Variants in UBE3C observed in about 807,000 individuals in gnomAD.
UBE3C encodes ubiquitin-protein ligase E3C.
A neutral mutation model predicts 129.4 loss-of-function variants in UBE3C; 42 were observed. The observed-to-expected ratio is 0.32, with a 90% confidence interval of 0.25 to 0.42. UBE3C has a LOEUF of 0.42. UBE3C is among the 10% of genes least tolerant of loss of function. The pLI is 1.00. For missense variants in UBE3C, 1,049 were observed against 1,319.1 expected, an observed-to-expected ratio of 0.80 and a Z score of 3.17; for synonymous variants, 510 against 492.4, an observed-to-expected ratio of 1.04 and a Z score of -0.47.
chr7:157,220,600 A>T, intron 14 of UBE3C, 89 bp from the exon 15 acceptor site: 1 of 1,481,802 alleles, frequency 6.7e-7, no homozygotes, highest in South Asian at 1.3e-5. Flanking sequence ...CGGTAGAGAA[A>T]TGTCCAGCAC....
intron 1 of UBE3C, chr7:157,139,946 C>T: frequency 1.4e-5 from 14 of 980,222 alleles, no homozygotes; most frequent in Non-Finnish European, 1.7e-5. Context: ...AATTATTTGC[C>T]ACCAGCCTCC....
rs2116929846 is a variant in UBE3C at position 157,183,952 on chromosome 7, C to G, written c.1066C>G (p.Pro356Ala). The change falls in exon 9 of 23, where the codon CCT (proline) becomes GCT (alanine). Residue 356 changes from proline (P) to alanine (A), a missense_variant. Coordinates refer to ENST00000348165, the MANE Select transcript of UBE3C (RefSeq NM_014671.3). ...CTTCCTCTCTCAGTTACCAGTCTCT[C>G]CTGCCAGCGCGAGCTGTCACGACTC... is the stretch of plus-strand genomic sequence containing the variant. ...QTFLSQLPVS[P>A]ASASCHDSAS... The G allele has an allele frequency of 6.2e-7, 1 of 1,614,200 alleles. No homozygotes were observed. The highest frequency in any genetic ancestry group is 2.2e-5 in the East Asian group (1 of 44,884).
At chr7:157,156,388 C>A (rs1021863337) in intron 1 of UBE3C, among the ~76,000 whole-genome samples, 2 of 148,922 alleles carry the variant, frequency 1.3e-5, no homozygotes, top group Non-Finnish European at 3.0e-5. Flanking sequence ...CTCACTGCAG[C>A]CTCCACCTCC....
chr7:157,243,585 G>C (rs1277509625), intron 18 of UBE3C, among the ~76,000 whole-genome samples: 1 of 152,164 alleles, frequency 6.6e-6, no homozygotes. Flanking sequence ...CAGGGAGCTT[G>C]GTGTCCTCCT....
chr7:157,156,779 T>A (rs1807921511), intron 1 of UBE3C, among the ~76,000 whole-genome samples: 1 of 151,950 alleles, frequency 6.6e-6, no homozygotes. Context: ...CCTGTCCCCC[T>A]TAATAATACT....
intron 1 of UBE3C, among the ~76,000 whole-genome samples, chr7:157,143,954 G>A (rs1486126740): frequency 2.0e-5 from 3 of 152,110 alleles, no homozygotes; most frequent in Non-Finnish European, 4.4e-5. Context: ...GGAGGAGAGT[G>A]GTGTCCAGGG....
chr7:157,164,727 A>G (rs189098676), intron 2 of UBE3C, among the ~76,000 whole-genome samples: 3 of 152,266 alleles, frequency 2.0e-5, no homozygotes, highest in East Asian at 1.9e-4. Flanking sequence ...AGAACTTACT[A>G]TGTATGTACT....
intron 10 of UBE3C, among the ~76,000 whole-genome samples, chr7:157,198,707 G>A (rs1348580452): frequency 6.6e-6 from 1 of 152,056 alleles, no homozygotes; most frequent in African/African-American, 2.4e-5. Flanking sequence ...GCAAATTTTT[G>A]TATTTTTAGT....
At chr7:157,220,282 A>G (rs908888341) in intron 14 of UBE3C, among the ~76,000 whole-genome samples, 4 of 152,168 alleles carry the variant, frequency 2.6e-5, no homozygotes, top group Non-Finnish European at 4.4e-5. Flanking sequence ...AACTTGAGAA[A>G]ATATACTGTG....
At chr7:157,245,556 G>A (rs1796450405) in intron 18 of UBE3C, among the ~76,000 whole-genome samples, 1 of 152,188 alleles carries the variant, frequency 6.6e-6, no homozygotes, top group African/African-American at 2.4e-5. Context: ...ATGACTATGT[G>A]CCTGTTGCCA....
chr7:157,179,814 A>T (rs1457394304), intron 6 of UBE3C, among the ~76,000 whole-genome samples: 2 of 151,946 alleles, frequency 1.3e-5, no homozygotes, highest in Non-Finnish European at 2.9e-5. Flanking sequence ...TTAAACGCAT[A>T]CTCATTTCAG....
Position 157,215,480 on chromosome 7 carries a change from A to G in UBE3C, c.1810-1387A>G, listed in dbSNP as rs182511042. 4.0e-5 allele frequency among the ~76,000 whole-genome samples: 6 copies of G among 148,158 alleles called. No homozygotes were observed. In the East Asian group the frequency reaches 1.2e-3, roughly 29 times the overall value. On this transcript the variant is annotated intron_variant, in intron 13 of 22. Transcript: ENST00000348165. ...TAGATATATTATAAATTTATATATT[A>G]TATATACTAGATACATAGTATATAT...
At chr7:157,208,802 G>A (rs1809510734) in intron 13 of UBE3C, among the ~76,000 whole-genome samples, 1 of 152,194 alleles carries the variant, frequency 6.6e-6, no homozygotes. Flanking sequence ...TGGAAAAAAA[G>A]AAAAGGAAAA....
chr7:157,246,562 C>G (rs1272811514), intron 18 of UBE3C, among the ~76,000 whole-genome samples: 2 of 152,164 alleles, frequency 1.3e-5, no homozygotes, highest in South Asian at 4.1e-4. Flanking sequence ...CACCATAGCA[C>G]TTGAATCTTA....
intron 9 of UBE3C, among the ~76,000 whole-genome samples, chr7:157,186,429 A>T (rs1260095883): frequency 6.6e-6 from 1 of 151,802 alleles, no homozygotes; most frequent in Non-Finnish European, 1.5e-5. Flanking sequence ...AAAAAAAAAA[A>T]TTTATGTAAT....
chr7:157,156,806 G>T (rs548993939), intron 1 of UBE3C, among the ~76,000 whole-genome samples: 1 of 151,266 alleles, frequency 6.6e-6, no homozygotes, highest in Non-Finnish European at 1.5e-5. Flanking sequence ...GACAGTTCCT[G>T]ATCAGTAGAT....
intron 10 of UBE3C, among the ~76,000 whole-genome samples, chr7:157,199,982 G>C (rs917883994): frequency 6.6e-6 from 1 of 152,004 alleles, no homozygotes; most frequent in African/African-American, 2.4e-5. Context: ...GCTCTTACTG[G>C]AATGAATGCA....
At chr7:157,195,079 C>T (rs1809080118) in intron 10 of UBE3C, among the ~76,000 whole-genome samples, 1 of 152,222 alleles carries the variant, frequency 6.6e-6, no homozygotes, top group South Asian at 2.1e-4. Context: ...GTATAACCTT[C>T]TGCTAATACT....
chr7:157,198,213 T>C, intron 10 of UBE3C: 11 of 1,536,618 alleles, frequency 7.2e-6, no homozygotes, highest in Non-Finnish European at 9.9e-6. Flanking sequence ...TTCAGACCGC[T>C]TACAAAAGGA....
Sources: gnomAD v4.1 joint callset for allele counts (sites outside exome capture counted in the v4.1 genomes callset) on GRCh38, gnomAD v4.1.1 for gene constraint, MANE v1.5 for transcripts, NCBI Gene and HGNC (gene_info 2026-07-23, HGNC 2026-07-21) for gene names.